Variants in AUTS2 observed in about 807,000 individuals in gnomAD.
The protein encoded by AUTS2 is activator of transcription and developmental regulator AUTS2, also known as autism susceptibility gene 2 protein.
In AUTS2, 17 loss-of-function variants were observed where a neutral mutation model predicts 112.4. The ratio of observed to expected loss-of-function variants is 0.15; its 90% CI spans 0.10 to 0.23. AUTS2 has a LOEUF of 0.23. AUTS2 is among the 10% of genes least tolerant of loss of function. The pLI is 1.00. For missense variants in AUTS2, 1,510 were observed against 1,701.6 expected (o/e 0.89, Z 1.98); for synonymous variants, 751 against 702.7 (o/e 1.07, Z -1.09).
chr7:70,158,758 A>G (rs1807918801), intron 4 of AUTS2, among the ~76,000 whole-genome samples: 1 of 152,202 alleles, frequency 6.6e-6, no homozygotes, highest in Non-Finnish European at 1.5e-5. Context: ...AAATGCGGTT[A>G]TTAGGACAAG....
At chr7:70,248,797 G>A (rs527512284) in intron 4 of AUTS2, among the ~76,000 whole-genome samples, 1 of 152,232 alleles carries the variant, frequency 6.6e-6, no homozygotes, top group African/African-American at 2.4e-5. Flanking sequence ...GGAAAGGAAA[G>A]ATAATGATGA....
chr7:69,980,707 A>G lies in AUTS2; in HGVS notation c.522+81209A>G, dbSNP rs892284642. Among the ~76,000 whole-genome samples the G allele has an allele frequency of 3.9e-5, 6 of 152,266 alleles. No homozygotes were observed. The East Asian group carries it at 1.2e-3, about 29-fold the overall frequency. On this transcript the variant is annotated intron_variant, in intron 2 of 18. Transcript: ENST00000342771. ...AGCAGCGGTTTGCATCTTTGGCTAT[A>G]CATTGGAACTACCTTGGGAATTAAA... is the stretch of plus-strand genomic sequence containing the variant.
chr7:69,868,604 T>A lies in AUTS2; in HGVS notation c.310-30682T>A, dbSNP rs377230978. ...TCTACTCCAAAGCTTAATAAAATGATTCTGCAATATTTGTTCCATGCTTTG... is the reference window on the plus strand; with the variant it reads ...TCTACTCCAAAGCTTAATAAAATGAATCTGCAATATTTGTTCCATGCTTTG... On this transcript the variant is annotated intron_variant, in intron 1 of 18. Transcript: ENST00000342771. Among the ~76,000 whole-genome samples, 15 of 152,342 alleles carry A rather than the reference T, an allele frequency of 9.8e-5. No homozygotes were observed. In the South Asian group the frequency reaches 2.5e-3, roughly 25 times the overall value.
chr7:69,921,324 G>C (rs897560845), intron 2 of AUTS2, among the ~76,000 whole-genome samples: 2 of 117,774 alleles, frequency 1.7e-5, no homozygotes, highest in South Asian at 6.2e-4. Context: ...ATTTAGACTT[G>C]AAGTTTTTTT....
intron 2 of AUTS2, among the ~76,000 whole-genome samples, chr7:70,116,723 C>T (rs987521172): frequency 1.3e-5 from 2 of 152,212 alleles, no homozygotes; most frequent in African/African-American, 2.4e-5. Context: ...CTTTCACTGT[C>T]CTCTCAGCCA....
chr7:70,618,389 A>C (rs998671461), intron 5 of AUTS2, among the ~76,000 whole-genome samples: 1 of 152,118 alleles, frequency 6.6e-6, no homozygotes, highest in Admixed American at 6.6e-5. Context: ...CCTCTCCAGC[A>C]GTCTCTCCCT....
At chr7:69,989,553 G>A (rs903827764) in intron 2 of AUTS2, among the ~76,000 whole-genome samples, 4 of 152,100 alleles carry the variant, frequency 2.6e-5, no homozygotes, top group African/African-American at 9.7e-5. Flanking sequence ...AATGTTGTGA[G>A]CAGCTACTCA....
At chr7:70,148,090 T>C (rs1331012288) in intron 4 of AUTS2, among the ~76,000 whole-genome samples, 1 of 152,114 alleles carries the variant, frequency 6.6e-6, no homozygotes, top group Non-Finnish European at 1.5e-5. Flanking sequence ...TAATCATATC[T>C]GATTAAATGA....
intron 2 of AUTS2, among the ~76,000 whole-genome samples, chr7:70,037,783 T>C (rs973243581): frequency 3.9e-5 from 6 of 152,160 alleles, no homozygotes; most frequent in African/African-American, 1.2e-4. Flanking sequence ...ATCTGTGTAA[T>C]GATGATAGTA....
chr7:69,664,339 A>G (rs1795934341), intron 1 of AUTS2, among the ~76,000 whole-genome samples: 1 of 152,216 alleles, frequency 6.6e-6, no homozygotes. Context: ...ATTTTGTGTC[A>G]CATATTAGCA....
At chr7:69,876,076 A>T (rs946502269) in intron 1 of AUTS2, among the ~76,000 whole-genome samples, 4 of 151,672 alleles carry the variant, frequency 2.6e-5, no homozygotes, top group African/African-American at 9.7e-5. Flanking sequence ...TTTAAAAAAT[A>T]TGCAGTGTGG....
intron 1 of AUTS2, among the ~76,000 whole-genome samples, chr7:69,854,075 C>T (rs769012306): frequency 5.9e-5 from 9 of 152,130 alleles, no homozygotes; most frequent in Non-Finnish European, 1.0e-4. Flanking sequence ...CCTTCTCTAA[C>T]ATATTCCATT....
chr7:70,621,307 G>A (rs932118025), intron 5 of AUTS2, among the ~76,000 whole-genome samples: 1 of 152,098 alleles, frequency 6.6e-6, no homozygotes, highest in Non-Finnish European at 1.5e-5. Context: ...TATTCACTGT[G>A]GGGGCAGGGT....
At chr7:70,417,607 G>A (rs1180651431) in intron 4 of AUTS2, among the ~76,000 whole-genome samples, 2 of 152,180 alleles carry the variant, frequency 1.3e-5, no homozygotes, top group African/African-American at 2.4e-5. Flanking sequence ...ACAGTGGAGT[G>A]TGGTTCAGAA....
intron 6 of AUTS2, among the ~76,000 whole-genome samples, chr7:70,703,692 AT>A (rs915738660): frequency 5.3e-5 from 8 of 152,146 alleles, no homozygotes; most frequent in Non-Finnish European, 1.0e-4. Context: ...TGTAAAGTGC[AT>A]TTCCGATGTG....
rs117430565 is a variant in AUTS2 at position 70,675,517 on chromosome 7, T to G, written c.691-23052T>G. Among the ~76,000 whole-genome samples, 979 of 152,190 alleles carry G rather than the reference T, an allele frequency of 6.4e-3. 36 individuals are homozygous for G. The East Asian group carries it at 0.066, about 10-fold the overall frequency. On this transcript the variant is annotated intron_variant, in intron 5 of 18. Transcript: ENST00000342771. Reference sequence around the variant, plus strand: ...TCTAAAAGAAAGAAAAAGAAACGTTTGTTCCAGTTCTCTACTCCAAAACTT... The same window carrying G: ...TCTAAAAGAAAGAAAAAGAAACGTTGGTTCCAGTTCTCTACTCCAAAACTT...
At chr7:69,781,829 A>G (rs1789155749) in intron 1 of AUTS2, among the ~76,000 whole-genome samples, 2 of 152,210 alleles carry the variant, frequency 1.3e-5, no homozygotes, top group Admixed American at 6.5e-5. Flanking sequence ...TCATCTGGTC[A>G]GCCATATGTG....
chr7:69,839,581 A>G (rs967814147), intron 1 of AUTS2, among the ~76,000 whole-genome samples: 1 of 152,180 alleles, frequency 6.6e-6, no homozygotes, highest in Non-Finnish European at 1.5e-5. Flanking sequence ...TAAACAAGAC[A>G]TTAATCTGAA....
intron 1 of AUTS2, among the ~76,000 whole-genome samples, chr7:69,894,253 T>TTTTTTG (rs1491564676): frequency 7.8e-3 from 144 of 18,354 alleles, no homozygotes; most frequent in African/African-American, 0.021. Context: ...CCTTAAAGCG[T>TTTTTTG]TTTTTTTTTT....
Sources: allele counts gnomAD v4.1 joint callset (sites outside exome capture counted in the v4.1 genomes callset), GRCh38; gene constraint gnomAD v4.1.1; transcripts MANE v1.5; gene names NCBI Gene and HGNC (gene_info 2026-07-23, HGNC 2026-07-21).